The following SPATA6 variants were observed in gnomAD, a reference collection of about 807,000 sequenced individuals.
SPATA6 encodes the protein spermatogenesis-associated protein 6.
Under a neutral mutation model 65.3 loss-of-function variants are expected in SPATA6, and 56 were observed. The ratio of observed to expected loss-of-function variants is 0.86; its 90% CI spans 0.69 to 1.07. The LOEUF is 1.07. Among genes scored for constraint, SPATA6 ranks in the 50% least tolerant of loss-of-function variants. The pLI is 0.00. For synonymous variants in SPATA6, 199 were observed against 213.2 expected, an observed-to-expected ratio of 0.93 and a Z score of 0.58; for missense variants, 590 against 594.8, an observed-to-expected ratio of 0.99 and a Z score of 0.08.
chr1:48,386,035 C>T (rs948604823), intron 8 of SPATA6, among the ~76,000 whole-genome samples: 4 of 152,156 alleles, frequency 2.6e-5, no homozygotes, highest in African/African-American at 9.7e-5. Flanking sequence ...TAAACTCAAA[C>T]AAGCAGGGGT....
intron 12 of SPATA6, among the ~76,000 whole-genome samples, chr1:48,301,725 C>G (rs1005781652): frequency 2.0e-5 from 3 of 152,076 alleles, no homozygotes; most frequent in Admixed American, 2.0e-4. Flanking sequence ...AATAAATCCA[C>G]ACATTTACAG....
chr1:48,345,592 G>A (rs908158110), intron 11 of SPATA6, among the ~76,000 whole-genome samples: 1 of 151,894 alleles, frequency 6.6e-6, no homozygotes, highest in Non-Finnish European at 1.5e-5. Context: ...TAAATAGAGT[G>A]CTAGCTAGAC....
At position 48,472,099 on chromosome 1, in the gene SPATA6, G is replaced by T; in HGVS notation, c.-91C>A. Reference sequence around the variant, plus strand: ...GGCTGGGCGGGGACGGGGAGGAGACGAGGTGGCGGCGGCGGTGGCAGCAGT... The same window carrying T: ...GGCTGGGCGGGGACGGGGAGGAGACTAGGTGGCGGCGGCGGTGGCAGCAGT... On this transcript the variant is annotated 5_prime_UTR_variant, in exon 1 of 13. Transcript: ENST00000371847. The T allele has an allele frequency of 9.5e-7, 1 of 1,057,054 alleles. No individual in the cohort carries two copies. Among genetic ancestry groups the T allele is most frequent in the South Asian group, 1.7e-5 (1 of 57,504 alleles). 65.5% of individuals were successfully genotyped at this position (1,057,054 alleles called of 1,614,324 possible).
chr1:48,470,889 G>A (rs2148216314), intron 1 of SPATA6, among the ~76,000 whole-genome samples: 1 of 152,198 alleles, frequency 6.6e-6, no homozygotes, highest in East Asian at 1.9e-4. Flanking sequence ...TACATAAGAA[G>A]ACTTACTGAG....
In SPATA6 at chr1:48,410,591, A is replaced by G. The variant is rs751742637; in HGVS notation, c.405+873T>C. On this transcript the variant is annotated intron_variant, in intron 5 of 12. Coordinates refer to ENST00000371847, the MANE Select transcript of SPATA6 (RefSeq NM_019073.4). ...ATCTGAGACTGGGTAATTTATCAGG[A>G]AAGAGGTTTAACTGACTCACAGTTT... Among the ~76,000 whole-genome samples the G allele has an allele frequency of 4.6e-5, 7 of 152,212 alleles. 1 individual carries two copies. The highest frequency in any genetic ancestry group is 5.9e-5 in the Non-Finnish European group (4 of 68,038).
intron 11 of SPATA6, among the ~76,000 whole-genome samples, chr1:48,317,962 A>G (rs2148692056): frequency 6.6e-6 from 1 of 152,314 alleles, no homozygotes; most frequent in Non-Finnish European, 1.5e-5. Context: ...ATACACCACA[A>G]CCAACTGGGA....
At position 48,452,524 on chromosome 1, in the gene SPATA6, T is replaced by C. The variant is rs187907177; in HGVS notation, c.189+470A>G. ...TCAGCCTCCCGAGTAAGTGGGATTATAGGCAGGTGCCACCACAGCTGGCTA... is the reference window on the plus strand; with the variant it reads ...TCAGCCTCCCGAGTAAGTGGGATTACAGGCAGGTGCCACCACAGCTGGCTA... On this transcript the variant is annotated intron_variant, in intron 2 of 12. Coordinates refer to ENST00000371847, the MANE Select transcript of SPATA6 (RefSeq NM_019073.4). Among the ~76,000 whole-genome samples, 406 of 152,068 alleles carry C rather than the reference T, an allele frequency of 2.7e-3. 3 individuals are homozygous for C. The highest frequency in any genetic ancestry group is 5.0e-3 in the Admixed American group (76 of 15,266).
intron 9 of SPATA6, among the ~76,000 whole-genome samples, chr1:48,375,768 T>C (rs1304033936): frequency 2.0e-5 from 3 of 152,162 alleles, no homozygotes; most frequent in African/African-American, 7.2e-5. Flanking sequence ...CCTACATGTA[T>C]ACATACTAGA....
At chr1:48,328,587 G>A (rs1645830596) in intron 11 of SPATA6, among the ~76,000 whole-genome samples, 3 of 152,070 alleles carry the variant, frequency 2.0e-5, no homozygotes, top group Admixed American at 6.6e-5. Context: ...TTGCTGCTTA[G>A]GAGTGGAGGA....
chr1:48,370,122 G>C (rs1288739996), intron 9 of SPATA6, among the ~76,000 whole-genome samples: 1 of 152,202 alleles, frequency 6.6e-6, no homozygotes, highest in Non-Finnish European at 1.5e-5. Flanking sequence ...TAGTGTGGGT[G>C]AGAATTAACT....
the SPATA6 span, among the ~76,000 whole-genome samples, chr1:48,285,987 A>T: frequency 6.6e-6 from 1 of 152,120 alleles, no homozygotes; most frequent in African/African-American, 2.4e-5. Context: ...CCATATATGC[A>T]TGAGTTTATT....
intron 3 of SPATA6, among the ~76,000 whole-genome samples, chr1:48,421,553 A>G (rs1653340588): frequency 6.6e-6 from 1 of 152,168 alleles, no homozygotes; most frequent in Non-Finnish European, 1.5e-5. Flanking sequence ...TCGTAAATAA[A>G]TATTTGAAAT....
chr1:48,305,482 G>T (rs997671390), intron 12 of SPATA6, among the ~76,000 whole-genome samples: 2 of 151,996 alleles, frequency 1.3e-5, no homozygotes, highest in African/African-American at 4.8e-5. Context: ...ATTAAAAAAG[G>T]TTGGTTCATG....
chr1:48,373,987 C>T (rs147119020), intron 9 of SPATA6, among the ~76,000 whole-genome samples: 8 of 152,296 alleles, frequency 5.3e-5, no homozygotes, highest in African/African-American at 1.9e-4. Flanking sequence ...TGCTCTGGAA[C>T]TGATCCACAT....
chr1:48,278,593 C>T, the SPATA6 span, among the ~76,000 whole-genome samples: 40 of 151,750 alleles, frequency 2.6e-4, no homozygotes, highest in South Asian at 2.1e-3. Context: ...TGATGGAAGA[C>T]GAAATGAATG....
rs1327853055 is a variant in SPATA6, at chr1:48,399,497, A to G, written c.634T>C (p.Ser212Pro). ...NAKNYEQPTI[S>P]SKSHSPSPYT... ...GGAGATGGAGAGTGTGATTTTGAAG[A>G]AATTGTAGGCTGTTCGTAGTTTTTT... is the stretch of plus-strand genomic sequence containing the variant. Residue 212 changes from serine to proline, a missense_variant, in exon 7 of 13, where the codon TCT (serine) becomes CCT (proline). Coordinates refer to ENST00000371847, the MANE Select transcript of SPATA6 (RefSeq NM_019073.4). The G allele has an allele frequency of 6.2e-7, 1 of 1,613,238 alleles. No individual in the cohort carries two copies. Among genetic ancestry groups the G allele is most frequent in the Non-Finnish European group, 8.5e-7 (1 of 1,179,548 alleles).
chr1:48,462,789 T>C (rs1049883823), intron 1 of SPATA6, among the ~76,000 whole-genome samples: 1 of 152,216 alleles, frequency 6.6e-6, no homozygotes, highest in African/African-American at 2.4e-5. Flanking sequence ...ATGTATCTAC[T>C]TCACTGGGTT....
intron 11 of SPATA6, 72 bp from the exon 12 acceptor site, chr1:48,305,950 A>C: frequency 1.8e-6 from 2 of 1,127,192 alleles, no homozygotes; most frequent in Non-Finnish European, 2.6e-6. Context: ...GTTTCTTCAT[A>C]AAATGCTCTT....
At position 48,299,383 on chromosome 1, in the gene SPATA6, G is replaced by A. The variant is rs560185851; in HGVS notation, c.1287-490C>T. On this transcript the variant is annotated intron_variant, in intron 12 of 12. Transcript: ENST00000371847. ...TACAAAATTAGCTGAGGATGGTGGCGCTTGCCTATAATCCCAGCTACTCGG... is the reference window on the plus strand; with the variant it reads ...TACAAAATTAGCTGAGGATGGTGGCACTTGCCTATAATCCCAGCTACTCGG... 1.5e-4 allele frequency among the ~76,000 whole-genome samples: 23 copies of A among 151,554 alleles called. 1 individual carries two copies. In the East Asian group the frequency reaches 3.9e-3, roughly 26 times the overall value.
Sources: gnomAD v4.1 joint callset for allele counts (sites outside exome capture counted in the v4.1 genomes callset) on GRCh38, gnomAD v4.1.1 for gene constraint, MANE v1.5 for transcripts, NCBI Gene and HGNC (gene_info 2026-07-23, HGNC 2026-07-21) for gene names.